Variants in MRPS27 observed in about 807,000 individuals in gnomAD.
MRPS27 encodes small ribosomal subunit protein mS27.
Under a neutral mutation model 48.9 loss-of-function variants are expected in MRPS27, and 43 were observed. The observed-to-expected ratio is 0.88, with a 90% CI of 0.69 to 1.13. The LOEUF (loss-of-function observed/expected upper bound fraction) is 1.13, where lower values mean the gene tolerates loss of function less well. Among genes scored for constraint, MRPS27 ranks in the 50% most tolerant of loss-of-function variants. The pLI, the probability that MRPS27 is intolerant of heterozygous loss-of-function variation, is 0.00. For synonymous variants in MRPS27, 188 were observed against 171.9 expected (o/e 1.09, Z -0.73); for missense variants, 467 against 476.3 (o/e 0.98, Z 0.18).
intron 4 of MRPS27, among the ~76,000 whole-genome samples, chr5:72,244,231 G>A (rs1748445956): frequency 6.6e-6 from 1 of 152,028 alleles, no homozygotes; most frequent in Non-Finnish European, 1.5e-5. Flanking sequence ...TTTTGGTAGA[G>A]AATAACAGGG....
At chr5:72,233,050 T>G (rs910094426) in intron 6 of MRPS27, among the ~76,000 whole-genome samples, 1 of 152,132 alleles carries the variant, frequency 6.6e-6, no homozygotes, top group Non-Finnish European at 1.5e-5. Flanking sequence ...TGCCCTATTC[T>G]CTGCTCTGGT....
chr5:72,313,379 C>G (rs1750488992), intron 2 of MRPS27, among the ~76,000 whole-genome samples: 1 of 152,166 alleles, frequency 6.6e-6, no homozygotes, highest in Non-Finnish European at 1.5e-5. Flanking sequence ...TTACATCAGT[C>G]TCATAAAACT....
intron 4 of MRPS27, among the ~76,000 whole-genome samples, chr5:72,264,466 T>C (rs563891895): frequency 6.6e-5 from 10 of 152,132 alleles, no homozygotes; most frequent in Non-Finnish European, 1.0e-4. Flanking sequence ...CCCAAAAATA[T>C]AGGTTGAAGT....
chr5:72,291,972 T>C (rs1206941500), intron 4 of MRPS27, among the ~76,000 whole-genome samples: 1 of 152,242 alleles, frequency 6.6e-6, no homozygotes, highest in Non-Finnish European at 1.5e-5. Context: ...CTATGCCTAT[T>C]TTCCCAACCT....
At position 72,220,747 on chromosome 5, in the gene MRPS27, C is replaced by T; in HGVS notation, c.*162G>A. 9.5e-7 allele frequency: 1 copy of T among 1,053,810 alleles called. No individual in the cohort carries two copies. The highest frequency in any genetic ancestry group is 1.4e-6 in the Non-Finnish European group (1 of 730,034). The allele number at this position is 1,053,810 out of a possible 1,614,324, so 65.3% of individuals were successfully genotyped here. A position where few individuals can be genotyped will look rare whatever the true frequency, so the allele number is the denominator to read the frequency against. On this transcript the variant is annotated 3_prime_UTR_variant, in exon 11 of 11. Transcript: ENST00000261413. ...ATAGTTCCATAGCCCTTCTTGGCAT[C>T]TCGATGGGCAGTCATGGTGCCTTGC...
intron 6 of MRPS27, 43 bp from the exon 7 acceptor site, chr5:72,232,601 G>T: frequency 1.5e-6 from 2 of 1,330,718 alleles, no homozygotes; most frequent in Non-Finnish European, 2.1e-6. Context: ...ATTAGTTGTA[G>T]GTAATATTAC....
intron 3 of MRPS27, among the ~76,000 whole-genome samples, chr5:72,296,493 G>C (rs1339133100): frequency 6.6e-6 from 1 of 152,132 alleles, no homozygotes; most frequent in Non-Finnish European, 1.5e-5. Flanking sequence ...TGCATAAATA[G>C]GATAAAGGCA....
In MRPS27 at chr5:72,297,708, A is replaced by C; in HGVS notation, c.152-6T>G. ...CATTAAAGATGCAAGATCAGCTGTGAAGACAAAAAAAGAAAAAAAACCTTG... is the reference window on the plus strand; with the variant it reads ...CATTAAAGATGCAAGATCAGCTGTGCAGACAAAAAAAGAAAAAAAACCTTG... On this transcript the variant is annotated splice_region_variant and splice_polypyrimidine_tract_variant and intron_variant, in intron 2 of 10. Transcript: ENST00000261413. The C allele has an allele frequency of 6.4e-7, 1 of 1,551,764 alleles. No homozygotes were observed. The highest frequency in any genetic ancestry group is 8.7e-7 in the Non-Finnish European group (1 of 1,151,266).
intron 2 of MRPS27, among the ~76,000 whole-genome samples, chr5:72,310,007 T>G (rs1399342701): frequency 6.6e-6 from 1 of 152,094 alleles, no homozygotes; most frequent in Non-Finnish European, 1.5e-5. Flanking sequence ...AAACACTGTC[T>G]CTAGTGGGAG....
chr5:72,255,033 T>C (rs970933845), intron 4 of MRPS27, among the ~76,000 whole-genome samples: 28 of 118,188 alleles, frequency 2.4e-4, no homozygotes, highest in African/African-American at 1.2e-3. Context: ...TCTTTTCTTT[T>C]TTTTTTTTTT....
chr5:72,247,169 C>T (rs1286682206), intron 4 of MRPS27, among the ~76,000 whole-genome samples: 2 of 152,048 alleles, frequency 1.3e-5, no homozygotes, highest in Non-Finnish European at 2.9e-5. Flanking sequence ...ACAATAGGTA[C>T]AAAGCTGCTT....
At chr5:72,274,487 T>C (rs1308247379) in intron 4 of MRPS27, among the ~76,000 whole-genome samples, 1 of 152,218 alleles carries the variant, frequency 6.6e-6, no homozygotes. Flanking sequence ...ATAACAGACA[T>C]GGAGCTGGCA....
chr5:72,281,013 T>C (rs966707477), intron 4 of MRPS27, among the ~76,000 whole-genome samples: 3 of 152,244 alleles, frequency 2.0e-5, no homozygotes, highest in Admixed American at 2.0e-4. Context: ...ACTACTAGTG[T>C]TCCTAAGCAT....
intron 3 of MRPS27, among the ~76,000 whole-genome samples, chr5:72,296,196 C>T (rs571919856): frequency 9.3e-4 from 141 of 151,742 alleles, no homozygotes; most frequent in African/African-American, 3.2e-3. Flanking sequence ...TTATTCCAAA[C>T]ACAGATTCTA....
At chr5:72,294,307 C>A (rs113484032) in intron 4 of MRPS27, among the ~76,000 whole-genome samples, 2,293 of 151,746 alleles carry the variant, frequency 0.015, 68 homozygotes, top group African/African-American at 0.051. Context: ...CCCCAAAAAA[C>A]CCCCCAAAAC....
chr5:72,303,762 GC>G (rs1387069840), intron 2 of MRPS27, among the ~76,000 whole-genome samples: 6 of 151,084 alleles, frequency 4.0e-5, no homozygotes, highest in African/African-American at 1.5e-4. Context: ...AAAAATAAGG[GC>G]AAAATATGGG....
chr5:72,240,763 C>G (rs1013771121), intron 4 of MRPS27, among the ~76,000 whole-genome samples: 3 of 152,186 alleles, frequency 2.0e-5, no homozygotes, highest in Non-Finnish European at 2.9e-5. Context: ...CTAACTTCAA[C>G]ACAAGGAAGA....
chr5:72,236,994 A>C (rs1047583203), intron 5 of MRPS27, among the ~76,000 whole-genome samples: 6 of 148,428 alleles, frequency 4.0e-5, no homozygotes, highest in Admixed American at 1.4e-4. Flanking sequence ...ATCACAGCTC[A>C]TTGCAGTCTC....
chr5:72,303,345 T>C (rs927034627), intron 2 of MRPS27, among the ~76,000 whole-genome samples: 2 of 152,140 alleles, frequency 1.3e-5, no homozygotes, highest in African/African-American at 4.8e-5. Context: ...AAAAGCAGGT[T>C]AGACACAGGT....
Sources: gnomAD v4.1 joint callset for allele counts (sites outside exome capture counted in the v4.1 genomes callset) on GRCh38, gnomAD v4.1.1 for gene constraint, MANE v1.5 for transcripts, NCBI Gene and HGNC (gene_info 2026-07-23, HGNC 2026-07-21) for gene names.